The following ABCA13 variants were observed in gnomAD, a reference collection of about 807,000 sequenced individuals.
The protein encoded by ABCA13 is ATP binding cassette subfamily A member 13.
ABCA13 carries 476 observed loss-of-function variants against 478.7 expected under a neutral mutation model. That is an observed-to-expected ratio of 0.99 (90% CI 0.92 to 1.07). ABCA13 has a LOEUF of 1.07. ABCA13 is among the 50% of genes least tolerant of loss of function. The pLI, the probability that ABCA13 is intolerant of heterozygous loss-of-function variation, is 0.00. For synonymous variants in ABCA13, 2,252 were observed against 2,158.9 expected (o/e 1.04, Z -1.20); for missense variants, 6,060 against 5,910.6 (o/e 1.03, Z -0.83).
chr7:48,388,897 G>A (rs1815604216), intron 36 of ABCA13, 143 bp from the exon 37 acceptor site: 1 of 922,756 alleles, frequency 1.1e-6, no homozygotes, highest in Non-Finnish European at 1.6e-6. Context: ...TCTTGTTCTT[G>A]CTAAAGAAAG....
chr7:48,607,563 G>A (rs1372834026), intron 58 of ABCA13, among the ~76,000 whole-genome samples: 1 of 152,088 alleles, frequency 6.6e-6, no homozygotes, highest in Non-Finnish European at 1.5e-5. Flanking sequence ...TATAATAGCT[G>A]CATTTAAATT....
At chr7:48,185,504 G>C (rs1192784357) in intron 1 of ABCA13, among the ~76,000 whole-genome samples, 3 of 152,132 alleles carry the variant, frequency 2.0e-5, no homozygotes, top group Non-Finnish European at 4.4e-5. Context: ...GAATTGCATT[G>C]AGCCTACAGA....
chr7:48,339,757 C>A (rs148121670), intron 29 of ABCA13, among the ~76,000 whole-genome samples: 1 of 152,170 alleles, frequency 6.6e-6, no homozygotes. Flanking sequence ...TTCCGCCTGA[C>A]GCTAGAGATT....
chr7:48,216,415 C>A (rs1786486335), intron 3 of ABCA13, among the ~76,000 whole-genome samples: 1 of 152,190 alleles, frequency 6.6e-6, no homozygotes, highest in African/African-American at 2.4e-5. Flanking sequence ...CTATTCAAAT[C>A]TTTTGCCCAT....
At chr7:48,233,912 T>C in intron 7 of ABCA13, 106 bp from the exon 8 acceptor site, 1 of 1,320,204 alleles carries the variant, frequency 7.6e-7, no homozygotes, top group Middle Eastern at 2.2e-4. Context: ...TGGTCTTCAT[T>C]TGCTCTTCCT....
At position 48,481,154 on chromosome 7, in the gene ABCA13, G is replaced by A; in HGVS notation, c.13094G>A (p.Arg4365Lys). ...TTGCTGGCACCATCTGAAAAACCAA[G>A]GTGTGTTCAATACTCTTGTTGGGTC... ...EYLLAPSEKP[R>K]LGGWSFGLKI... The change falls in exon 46 of 62, where the codon AGG (arginine) becomes AAG (lysine). Residue 4365 changes from arginine to lysine, a missense_variant and splice_region_variant. Arg to Lys is a conservative substitution (Grantham distance 26). This residue lies in a region of ABCA13 where 1,627 missense variants were observed against 1,571.0 expected (regional missense o/e 1.04). Coordinates refer to ENST00000435803, the MANE Select transcript of ABCA13 (RefSeq NM_152701.5). 6.4e-7 allele frequency: 1 copy of A among 1,569,678 alleles called. No homozygotes were observed. Among genetic ancestry groups the A allele is most frequent in the Non-Finnish European group, 8.7e-7 (1 of 1,153,754 alleles).
intron 55 of ABCA13, among the ~76,000 whole-genome samples, chr7:48,579,604 G>A (rs1383881605): frequency 6.7e-6 from 1 of 149,696 alleles, no homozygotes; most frequent in Non-Finnish European, 1.5e-5. Context: ...ACCTGATTCA[G>A]CAATACATAT....
In ABCA13 at chr7:48,425,935, G is replaced by A. The variant is rs1191783581; in HGVS notation, c.12460-1831G>A. On this transcript the variant is annotated intron_variant, in intron 41 of 61. Coordinates refer to ENST00000435803, the MANE Select transcript of ABCA13 (RefSeq NM_152701.5). ...TTTTTGTATTTTTAGTAGAGACGAG[G>A]TTTCACTGTGTTAGCCAGGATGGTC... Among the ~76,000 whole-genome samples the A allele has an allele frequency of 2.0e-5, 3 of 152,020 alleles. No homozygotes were observed. In the East Asian group the frequency reaches 5.8e-4, roughly 30 times the overall value.
rs1419350872 is a variant in ABCA13 at position 48,219,455 on chromosome 7, A to C, written c.389A>C (p.Asp130Ala). 6.2e-7 allele frequency: 1 copy of C among 1,613,514 alleles called. No homozygotes were observed. The highest frequency in any genetic ancestry group is 1.1e-5 in the South Asian group (1 of 90,926). The change falls in exon 4 of 62, where the codon GAC becomes GCC. Residue 130 changes from aspartate to alanine, a missense_variant. Around this residue, in one of 3 missense-constraint regions of ABCA13, gnomAD observed 4,423 missense variants for 4,309.1 expected, o/e 1.03. Coordinates refer to ENST00000435803, the MANE Select transcript of ABCA13 (RefSeq NM_152701.5). ...GCAGAGGAAATTCATGGAATGATGG[A>C]CAAGGCAAAAAACTTAAAAAGACTT... ...DLAEEIHGMM[D>A]KAKNLKRLWV...
chr7:48,455,155 C>T lies in ABCA13; in HGVS notation c.12684C>T (p.Ala4228=), dbSNP rs935233162. ...RTLRAGKSTL[A]DLLLPVLFVA... The stretch of plus-strand genomic sequence containing the variant: ...TGCGCGCCGGGAAGAGCACCCTCGC[C>T]GACCTGCTGCTGCCAGTCCTCTTCG... Residue 4228 remains alanine (A), a synonymous_variant, in exon 43 of 62, where the codon GCC becomes GCT. Transcript: ENST00000435803. The T allele has an allele frequency of 5.1e-6, 8 of 1,580,580 alleles. No individual in the cohort carries two copies. Among genetic ancestry groups the T allele is most frequent in the Non-Finnish European group, 6.9e-6 (8 of 1,163,710 alleles).
At chr7:48,416,765 G>T (rs141345451) in intron 41 of ABCA13, among the ~76,000 whole-genome samples, 236 of 152,076 alleles carry the variant, frequency 1.6e-3, no homozygotes, top group African/African-American at 5.6e-3. Context: ...TCACCCTCCA[G>T]GTCCAGCCTC....
At chr7:48,223,408 C>A (rs538365007) in intron 5 of ABCA13, among the ~76,000 whole-genome samples, 1 of 152,104 alleles carries the variant, frequency 6.6e-6, no homozygotes, top group East Asian at 1.9e-4. Context: ...GGCTGAGCAC[C>A]AAGCACTTGC....
At chr7:48,461,388 C>T (rs1486748187) in intron 43 of ABCA13, among the ~76,000 whole-genome samples, 2 of 152,190 alleles carry the variant, frequency 1.3e-5, no homozygotes, top group African/African-American at 2.4e-5. Flanking sequence ...ACCCCAAGAG[C>T]ATTCTTCCTC....
chr7:48,367,218 C>G (rs1811816380), intron 31 of ABCA13, among the ~76,000 whole-genome samples: 1 of 152,104 alleles, frequency 6.6e-6, no homozygotes, highest in South Asian at 2.1e-4. Context: ...TCCAACATGT[C>G]TGAGAACTCA....
chr7:48,309,986 T>C lies in ABCA13; in HGVS notation c.9361T>C (p.Cys3121Arg), dbSNP rs201830095. ...SALTVALSGKCDQEILHLLLT... is the reference protein window; with the variant it reads ...SALTVALSGKRDQEILHLLLT... ...CCTCACCGTAGCTCTGTCTGGAAAG[T>C]GTGATCAGGAAATCCTTCATCTCCT... is the stretch of plus-strand genomic sequence containing the variant. The change falls in exon 24 of 62, where the codon TGT becomes CGT. Residue 3121 changes from cysteine to arginine, a missense_variant. Cys to Arg is a radical substitution (Grantham distance 180). Coordinates refer to ENST00000435803, the MANE Select transcript of ABCA13 (RefSeq NM_152701.5). 6.2e-7 allele frequency: 1 copy of C among 1,613,740 alleles called. No individual in the cohort carries two copies. The highest frequency in any genetic ancestry group is 1.3e-5 in the African/African-American group (1 of 74,902).
chr7:48,351,634 C>T (rs1033509941), intron 30 of ABCA13, among the ~76,000 whole-genome samples: 1 of 152,154 alleles, frequency 6.6e-6, no homozygotes, highest in Non-Finnish European at 1.5e-5. Context: ...TAATGGCCCT[C>T]ATTTTAACTT....
chr7:48,563,483 G>A (rs1786675039), intron 55 of ABCA13, among the ~76,000 whole-genome samples: 1 of 152,268 alleles, frequency 6.6e-6, no homozygotes, highest in East Asian at 1.9e-4. Context: ...CTCAGATAAA[G>A]AGATAAGAAT....
chr7:48,171,509 A>C lies in ABCA13; in HGVS notation c.26A>C (p.Lys9Thr), dbSNP rs1271899148. MGHAGCQF[K>T]ALLWKNWLCR... ...ATGGGGCATGCCGGGTGCCAGTTCA[A>C]AGCCCTGCTGTGGAAGAATTGGCTC... Residue 9 changes from lysine to threonine, a missense_variant, in exon 1 of 62, where the codon AAA becomes ACA. Transcript: ENST00000435803. 2.0e-6 allele frequency: 3 copies of C among 1,536,186 alleles called. No homozygotes were observed. The highest frequency in any genetic ancestry group is 2.7e-5 in the African/African-American group (2 of 73,010).
intron 31 of ABCA13, among the ~76,000 whole-genome samples, chr7:48,359,597 GT>G (rs1358145624): frequency 6.6e-6 from 1 of 152,076 alleles, no homozygotes; most frequent in Non-Finnish European, 1.5e-5. Flanking sequence ...ATGTGGACTG[GT>G]CCTGGGCAGT....
Sources: gnomAD v4.1 joint callset for allele counts (sites outside exome capture counted in the v4.1 genomes callset) on GRCh38, gnomAD v4.1.1 for gene constraint, gnomAD v4.1.1 regional missense constraint, MANE v1.5 for transcripts, NCBI Gene and HGNC (gene_info 2026-07-23, HGNC 2026-07-21) for gene names.